RGS5: variants seen among roughly 807,000 people sequenced by gnomAD.
RGS5 encodes regulator of G protein signaling 5.
In RGS5, 20 loss-of-function variants were observed where a neutral mutation model predicts 18.9. That is an observed-to-expected ratio of 1.06 (90% CI 0.74 to 1.54). The LOEUF is 1.54. Among genes scored for constraint, RGS5 ranks in the 40% most tolerant of loss-of-function variants. The pLI is 0.00. For synonymous variants in RGS5, 57 were observed against 76.2 expected (o/e 0.75, Z 1.31); for missense variants, 201 against 211.8 (o/e 0.95, Z 0.32).
intron 4 of RGS5, among the ~76,000 whole-genome samples, chr1:163,150,849 T>C (rs114007278): frequency 6.6e-6 from 1 of 152,228 alleles, no homozygotes; most frequent in Non-Finnish European, 1.5e-5. Context: ...AAGAAATACA[T>C]ATCTAATGGT....
intron 2 of RGS5, among the ~76,000 whole-genome samples, chr1:163,164,838 T>A (rs985169485): frequency 6.6e-6 from 1 of 152,220 alleles, no homozygotes; most frequent in Admixed American, 6.5e-5. Context: ...TGTATTGTTT[T>A]GGTTTGATTT....
intron 2 of RGS5, among the ~76,000 whole-genome samples, chr1:163,232,019 A>AT (rs1457536799): frequency 6.8e-6 from 1 of 147,562 alleles, no homozygotes; most frequent in Non-Finnish European, 1.5e-5. Flanking sequence ...CTCTAGAGTC[A>AT]TTTTTTCCCT....
intron 2 of RGS5, among the ~76,000 whole-genome samples, chr1:163,293,228 A>G (rs1649337627): frequency 6.6e-6 from 1 of 152,136 alleles, no homozygotes; most frequent in Non-Finnish European, 1.5e-5. Context: ...TCATTTTCAC[A>G]CTGCTATAAA....
At chr1:163,186,073 CTT>C (rs34446894) in intron 1 of RGS5, among the ~76,000 whole-genome samples, 46,325 of 138,984 alleles carry the variant, frequency 0.33, 7,716 homozygotes, top group Non-Finnish European at 0.38. Flanking sequence ...AAAAAAAGGT[CTT>C]TTTTTTTTTT....
intron 2 of RGS5, among the ~76,000 whole-genome samples, chr1:163,247,264 A>G (rs1571317136): frequency 6.6e-6 from 1 of 152,242 alleles, no homozygotes. Context: ...AATCACCTGA[A>G]TAATTATAAG....
At chr1:163,295,629 C>A (rs548060148) in intron 2 of RGS5, among the ~76,000 whole-genome samples, 1 of 152,210 alleles carries the variant, frequency 6.6e-6, no homozygotes, top group Non-Finnish European at 1.5e-5. Flanking sequence ...TCTCTTCCTA[C>A]GGTCTTCCTC....
chr1:163,236,418 A>G (rs1247872013), intron 2 of RGS5, among the ~76,000 whole-genome samples: 3 of 152,160 alleles, frequency 2.0e-5, no homozygotes, highest in Admixed American at 2.0e-4. Context: ...ATACTGTTAT[A>G]TCAAGGAAAA....
chr1:163,315,285 G>A (rs1444981860), intron 1 of RGS5, among the ~76,000 whole-genome samples: 1 of 152,190 alleles, frequency 6.6e-6, no homozygotes, highest in Admixed American at 6.5e-5. Context: ...GGCCGGGTAT[G>A]TTGGCTCATT....
At chr1:163,287,585 T>A (rs1036156264) in intron 2 of RGS5, among the ~76,000 whole-genome samples, 2 of 152,234 alleles carry the variant, frequency 1.3e-5, no homozygotes, top group African/African-American at 2.4e-5. Flanking sequence ...GCTAAAAGCA[T>A]GAAGTTTCTG....
At chr1:163,194,438 A>G (rs7556121) in intron 1 of RGS5, among the ~76,000 whole-genome samples, 22,898 of 152,142 alleles carry the variant, frequency 0.15, 1,774 homozygotes, top group South Asian at 0.26. Context: ...AGAATAAGAA[A>G]GTGTTGGAGC....
At chr1:163,185,833 G>A (rs1438238857) in intron 1 of RGS5, among the ~76,000 whole-genome samples, 2 of 152,160 alleles carry the variant, frequency 1.3e-5, no homozygotes, top group African/African-American at 4.8e-5. Context: ...TATGAGACAG[G>A]TATTACTGTG....
Position 163,144,277 on chromosome 1 carries a change from C to T in RGS5, c.*3065G>A, listed in dbSNP as rs1657041884. 1 of 152,140 alleles carries T rather than the reference C, an allele frequency of 6.6e-6. No individual in the cohort carries two copies. Among genetic ancestry groups the T allele is most frequent in the Admixed American group, 6.6e-5 (1 of 15,256 alleles). The allele number at this position is 152,140 out of a possible 1,614,324, so 9.4% of individuals were successfully genotyped here. On this transcript the variant is annotated 3_prime_UTR_variant, in exon 5 of 5. Coordinates refer to ENST00000313961, the MANE Select transcript of RGS5 (RefSeq NM_003617.4). Reference sequence around the variant, plus strand: ...TTCACATGCTTGAAGGCTATTCACACTGCTTTAACAAATAAACATGGAACA... The same window carrying T: ...TTCACATGCTTGAAGGCTATTCACATTGCTTTAACAAATAAACATGGAACA...
At chr1:163,176,392 C>T (rs1481097670) in intron 1 of RGS5, among the ~76,000 whole-genome samples, 4 of 152,170 alleles carry the variant, frequency 2.6e-5, no homozygotes, top group African/African-American at 7.2e-5. Context: ...GAGGGCAAGG[C>T]GGGCAGATCA....
intron 1 of RGS5, among the ~76,000 whole-genome samples, chr1:163,320,415 G>A (rs1054011293): frequency 2.0e-5 from 3 of 152,112 alleles, no homozygotes; most frequent in Admixed American, 6.5e-5. Flanking sequence ...ATGCAGAAAC[G>A]AGCTCAGTTA....
chr1:163,171,923 A>G (rs1233588572), intron 1 of RGS5, among the ~76,000 whole-genome samples: 1 of 152,220 alleles, frequency 6.6e-6, no homozygotes, highest in East Asian at 1.9e-4. Flanking sequence ...CAGAACTCTC[A>G]CAGAGGAGCA....
chr1:163,216,784 G>C (rs1660227094), intron 1 of RGS5, among the ~76,000 whole-genome samples: 1 of 152,172 alleles, frequency 6.6e-6, no homozygotes, highest in Admixed American at 6.5e-5. Context: ...CTCAGTTTGT[G>C]ATGGCCCTGA....
intron 2 of RGS5, among the ~76,000 whole-genome samples, chr1:163,232,748 C>G (rs747643214): frequency 7.9e-5 from 12 of 152,056 alleles, no homozygotes; most frequent in Non-Finnish European, 1.3e-4. Flanking sequence ...CTAGGGTCAT[C>G]AGAACAGGTT....
At chr1:163,202,043 C>T (rs563162667) in intron 1 of RGS5, among the ~76,000 whole-genome samples, 32 of 152,262 alleles carry the variant, frequency 2.1e-4, no homozygotes, top group South Asian at 2.1e-4. Flanking sequence ...GTCCAGCCTA[C>T]GGACAACCAG....
At chr1:163,185,421 T>G (rs1431609985) in intron 1 of RGS5, among the ~76,000 whole-genome samples, 3 of 152,228 alleles carry the variant, frequency 2.0e-5, no homozygotes, top group Non-Finnish European at 4.4e-5. Context: ...TTCAGAAGAA[T>G]GAATTCATCA....
Sources: allele counts gnomAD v4.1 joint callset (sites outside exome capture counted in the v4.1 genomes callset), GRCh38; gene constraint gnomAD v4.1.1; transcripts MANE v1.5; gene names NCBI Gene and HGNC (gene_info 2026-07-23, HGNC 2026-07-21).